Variants in GPC6 observed in about 807,000 individuals in gnomAD.
GPC6 encodes the protein glypican 6.
Under a neutral mutation model 55.2 loss-of-function variants are expected in GPC6, and 14 were observed. The observed-to-expected ratio is 0.25, with a 90% CI of 0.17 to 0.40. GPC6 has a LOEUF of 0.40. GPC6 is among the 10% of genes least tolerant of loss of function. GPC6 has a pLI of 1.00. For synonymous variants in GPC6, 278 were observed against 259.6 expected (o/e 1.07, Z -0.68); for missense variants, 641 against 708.5 (o/e 0.90, Z 1.08).
At chr13:93,244,259 C>G (rs1002752127) in intron 1 of GPC6, among the ~76,000 whole-genome samples, 6 of 152,340 alleles carry the variant, frequency 3.9e-5, no homozygotes, top group African/African-American at 1.4e-4. Flanking sequence ...CAGACTTCTG[C>G]TGGCAGAAAG....
chr13:93,819,927 T>C (rs1434239263), intron 2 of GPC6, among the ~76,000 whole-genome samples: 1 of 152,176 alleles, frequency 6.6e-6, no homozygotes, highest in African/African-American at 2.4e-5. Context: ...CCTTGTGAAA[T>C]GTGGATTCAA....
intron 1 of GPC6, among the ~76,000 whole-genome samples, chr13:93,431,652 A>G (rs1363461580): frequency 6.6e-6 from 1 of 152,162 alleles, no homozygotes; most frequent in South Asian, 2.1e-4. Flanking sequence ...TACATATGAC[A>G]TATGAAAGCC....
intron 4 of GPC6, 103 bp downstream of exon 4, chr13:94,027,997 G>A (rs1298446909): frequency 1.9e-6 from 2 of 1,052,988 alleles, no homozygotes; most frequent in Non-Finnish European, 2.9e-6. Context: ...AGACACAGTG[G>A]TTCACATCTG....
In GPC6 at chr13:94,403,132, A is replaced by G; in HGVS notation, c.1583A>G (p.Asp528Gly). The G allele has an allele frequency of 6.2e-7, 1 of 1,613,530 alleles. No homozygotes were observed. The highest frequency in any genetic ancestry group is 1.1e-5 in the South Asian group (1 of 91,062). Residue 528 changes from aspartate to glycine, a missense_variant, in exon 9 of 9, where the codon GAC becomes GGC. By Grantham distance (94) the Asp-to-Gly change is moderately conservative (BLOSUM62 -1). Coordinates refer to ENST00000377047, the MANE Select transcript of GPC6 (RefSeq NM_005708.5). The stretch of plus-strand genomic sequence containing the variant: ...GTGGATCCCGACCGGAGAGAGGTGG[A>G]CTCTTCTGCAGCCCAGCGTGGCCAC... Reference protein sequence around the residue: ...PAVDPDRREVDSSAAQRGHSL... With the variant: ...PAVDPDRREVGSSAAQRGHSL...
At chr13:93,419,863 T>C (rs753256912) in intron 1 of GPC6, among the ~76,000 whole-genome samples, 27 of 152,096 alleles carry the variant, frequency 1.8e-4, no homozygotes, top group Non-Finnish European at 3.1e-4. Context: ...CAAGCAGAAT[T>C]GAAGCTATGA....
At chr13:93,231,402 T>TATATAC (rs1876045878) in intron 1 of GPC6, among the ~76,000 whole-genome samples, 1 of 39,320 alleles carries the variant, frequency 2.5e-5, no homozygotes, top group African/African-American at 1.3e-4. Context: ...TATATGTATA[T>TATATAC]ATATATATAT....
intron 3 of GPC6, among the ~76,000 whole-genome samples, chr13:93,996,172 T>C (rs920431997): frequency 1.3e-5 from 2 of 152,232 alleles, no homozygotes; most frequent in Non-Finnish European, 2.9e-5. Flanking sequence ...TAGTTTACCA[T>C]TAAAACTGTA....
At chr13:94,133,654 A>G (rs764753326) in intron 4 of GPC6, among the ~76,000 whole-genome samples, 32 of 152,132 alleles carry the variant, frequency 2.1e-4, no homozygotes, top group Admixed American at 5.2e-4. Context: ...CCATGAATAT[A>G]ACTTGGAAGT....
chr13:94,308,092 TA>T (rs2139114293), intron 6 of GPC6, among the ~76,000 whole-genome samples: 1 of 152,352 alleles, frequency 6.6e-6, no homozygotes, highest in Non-Finnish European at 1.5e-5. Context: ...ATTTTGCACT[TA>T]GTTAAAATTG....
intron 2 of GPC6, among the ~76,000 whole-genome samples, chr13:93,641,326 A>G (rs961722757): frequency 6.6e-6 from 1 of 151,970 alleles, no homozygotes; most frequent in African/African-American, 2.4e-5. Context: ...GATTCAGTTA[A>G]CCATTGACTG....
rs80088659 is a variant in GPC6, at chr13:94,053,094, G to A, written c.877+25200G>A. 6.5e-3 allele frequency among the ~76,000 whole-genome samples: 984 copies of A among 152,304 alleles called. 9 individuals are homozygous for A. Among genetic ancestry groups the A allele is most frequent in the African/African-American group, 0.022 (926 of 41,562 alleles). On this transcript the variant is annotated intron_variant, in intron 4 of 8. Transcript: ENST00000377047. ...CAGTGACTTCATTTTTGAAGAGAAT[G>A]ACTGTCATGGGTAATTGACAGAATT...
At chr13:94,182,739 A>T (rs1380960950) in intron 4 of GPC6, among the ~76,000 whole-genome samples, 1 of 152,176 alleles carries the variant, frequency 6.6e-6, no homozygotes, top group African/African-American at 2.4e-5. Context: ...TAATTGTGGC[A>T]AATATATTTA....
chr13:94,000,875 T>A (rs1266622799), intron 3 of GPC6, among the ~76,000 whole-genome samples: 1 of 152,190 alleles, frequency 6.6e-6, no homozygotes, highest in Non-Finnish European at 1.5e-5. Flanking sequence ...TGAGCTGGTT[T>A]GCTGATCTCA....
At chr13:93,276,681 G>A (rs1877766462) in intron 1 of GPC6, among the ~76,000 whole-genome samples, 2 of 151,914 alleles carry the variant, frequency 1.3e-5, no homozygotes, top group African/African-American at 4.8e-5. Flanking sequence ...GGACGGAGGT[G>A]GTGCATGGAG....
Position 94,094,512 on chromosome 13 carries a change from C to A in GPC6, c.877+66618C>A, listed in dbSNP as rs146482810. On this transcript the variant is annotated intron_variant, in intron 4 of 8. Transcript: ENST00000377047. ...TCACGAAAGAAAGATGCAGACATGT[C>A]TTCCCATTGGTGATGCCATTTCCCA... 8.3e-4 allele frequency among the ~76,000 whole-genome samples: 127 copies of A among 152,254 alleles called. 2 individuals carry two copies. Among genetic ancestry groups the A allele is most frequent in the Middle Eastern group, 6.8e-3 (2 of 294 alleles).
At chr13:93,269,760 C>T (rs1458605829) in intron 1 of GPC6, among the ~76,000 whole-genome samples, 5 of 110,800 alleles carry the variant, frequency 4.5e-5, no homozygotes, top group Admixed American at 1.1e-4. Context: ...CCCATCTCTA[C>T]TAAAAATACC....
chr13:94,392,922 AT>A (rs1880721599), intron 7 of GPC6, among the ~76,000 whole-genome samples: 2 of 151,948 alleles, frequency 1.3e-5, no homozygotes, highest in African/African-American at 4.8e-5. Flanking sequence ...CCTGTTTTTA[AT>A]TTTTTGAGGA....
At chr13:93,910,295 C>T (rs1327679486) in intron 3 of GPC6, among the ~76,000 whole-genome samples, 2 of 152,106 alleles carry the variant, frequency 1.3e-5, no homozygotes, top group East Asian at 1.9e-4. Flanking sequence ...TTCTCTTGCC[C>T]ACCACCATGT....
At chr13:93,385,845 G>T (rs1875374141) in intron 1 of GPC6, among the ~76,000 whole-genome samples, 1 of 151,722 alleles carries the variant, frequency 6.6e-6, no homozygotes. Context: ...GGTTCAACAT[G>T]GCTGAATATT....
Sources: gnomAD v4.1 joint callset for allele counts (sites outside exome capture counted in the v4.1 genomes callset) on GRCh38, gnomAD v4.1.1 for gene constraint, MANE v1.5 for transcripts, NCBI Gene and HGNC (gene_info 2026-07-23, HGNC 2026-07-21) for gene names.